Variants in PALS2 observed in about 807,000 individuals in gnomAD.
PALS2 encodes protein PALS2.
In PALS2, 27 loss-of-function variants were observed where a neutral mutation model predicts 61.6. The observed-to-expected ratio is 0.44, with a 90% CI of 0.32 to 0.60. The LOEUF is 0.60. PALS2 is among the 20% of genes least tolerant of loss of function. The probability of loss-of-function intolerance (pLI) is 0.05; values close to 1 mark genes in which losing one functional copy is unlikely to be tolerated. For missense variants in PALS2, 554 were observed against 639.4 expected, an observed-to-expected ratio of 0.87 and a Z score of 1.44; for synonymous variants, 236 against 218.6, an observed-to-expected ratio of 1.08 and a Z score of -0.70.
intron 2 of PALS2, among the ~76,000 whole-genome samples, chr7:24,635,449 T>C (rs1785190251): frequency 6.6e-6 from 1 of 152,212 alleles, no homozygotes; most frequent in Admixed American, 6.5e-5. Context: ...AATAGTCTTT[T>C]AGTGAACTCC....
At position 24,575,992 on chromosome 7, in the gene PALS2, G is replaced by C. The variant is rs184736512; in HGVS notation, c.-3+2399G>C. ...TTTTTTAAATCAGAACTCTACTTCA[G>C]GTAAGTATAGTTAACCATGTAAGTG... On this transcript the variant is annotated intron_variant, in intron 1 of 11. Transcript: ENST00000222644. 3.2e-3 allele frequency among the ~76,000 whole-genome samples: 479 copies of C among 151,980 alleles called. 1 individual carries two copies. Among genetic ancestry groups the C allele is most frequent in the African/African-American group, 0.01 (426 of 41,442 alleles).
intron 1 of PALS2, among the ~76,000 whole-genome samples, chr7:24,575,510 T>A (rs1421666869): frequency 6.6e-6 from 1 of 152,180 alleles, no homozygotes; most frequent in Admixed American, 6.5e-5. Flanking sequence ...TCTTTTTAGC[T>A]TGAGATAACC....
chr7:24,634,442 G>A (rs1009950771), intron 2 of PALS2, among the ~76,000 whole-genome samples: 2 of 152,152 alleles, frequency 1.3e-5, no homozygotes, highest in African/African-American at 4.8e-5. Context: ...GTGTTAGCCA[G>A]TATGGTCTCG....
At chr7:24,622,247 T>A (rs1298555850) in intron 1 of PALS2, among the ~76,000 whole-genome samples, 2 of 152,016 alleles carry the variant, frequency 1.3e-5, no homozygotes, top group Non-Finnish European at 2.9e-5. Context: ...ATTAAACCTG[T>A]AGGTTAATTT....
At chr7:24,635,574 T>C (rs918982455) in intron 2 of PALS2, among the ~76,000 whole-genome samples, 2 of 152,166 alleles carry the variant, frequency 1.3e-5, no homozygotes, top group Non-Finnish European at 2.9e-5. Flanking sequence ...TAACCTCCAG[T>C]ACAAATGTTA....
In PALS2 at chr7:24,679,160, A is replaced by G. The variant is rs761519799; in HGVS notation, c.1144A>G (p.Lys382Glu). 1 of 1,614,000 alleles carries G rather than the reference A, an allele frequency of 6.2e-7. No individual in the cohort carries two copies. The highest frequency in any genetic ancestry group is 8.5e-7 in the Non-Finnish European group (1 of 1,179,870). ...TTCACGGAAACCAAGGGAAGATGAAAAAGATGGCCAGGCATATAAGTTTGT... is the reference window on the plus strand; with the variant it reads ...TTCACGGAAACCAAGGGAAGATGAAGAAGATGGCCAGGCATATAAGTTTGT... ...FTSRKPREDE[K>E]DGQAYKFVSR... Residue 382 changes from lysine (K) to glutamate (E), a missense_variant, in exon 10 of 12, where the codon AAA (lysine) becomes GAA (glutamate). By Grantham distance (56) the Lys-to-Glu change is moderately conservative. Transcript: ENST00000222644.
intron 3 of PALS2, among the ~76,000 whole-genome samples, chr7:24,647,122 GT>G (rs1785876504): frequency 6.7e-6 from 1 of 148,376 alleles, no homozygotes; most frequent in Non-Finnish European, 1.5e-5. Context: ...TTTTGTTGTT[GT>G]TGTTGTTGTT....
At chr7:24,680,642 C>A in intron 11 of PALS2, 122 bp downstream of exon 11, 2 of 1,273,612 alleles carry the variant, frequency 1.6e-6, no homozygotes, top group Non-Finnish European at 2.1e-6. Flanking sequence ...GTCACCCAGG[C>A]TGGAGTGCAT....
chr7:24,644,925 G>C (rs774331891), intron 3 of PALS2, among the ~76,000 whole-genome samples: 3 of 151,912 alleles, frequency 2.0e-5, no homozygotes, highest in Admixed American at 1.3e-4. Flanking sequence ...TCATATCCTT[G>C]TTGGCCACAT....
At chr7:24,685,882 A>G (rs1584017363) in intron 11 of PALS2, among the ~76,000 whole-genome samples, 1 of 152,134 alleles carries the variant, frequency 6.6e-6, no homozygotes, top group African/African-American at 2.4e-5. Context: ...TGCTTCCATC[A>G]ACATCATTTA....
At chr7:24,674,741 T>A (rs1185620800) in intron 9 of PALS2, 1 of 152,204 alleles carries the variant, frequency 6.6e-6, no homozygotes, top group East Asian at 1.9e-4. Flanking sequence ...TTAAGGTGAT[T>A]TAACTTTCTT....
intron 2 of PALS2, among the ~76,000 whole-genome samples, chr7:24,637,535 T>C (rs1785298548): frequency 6.6e-6 from 1 of 152,130 alleles, no homozygotes; most frequent in Admixed American, 6.5e-5. Flanking sequence ...CTTAGCTTTT[T>C]CAAGAAATAA....
chr7:24,580,112 A>G (rs746974570), intron 1 of PALS2, among the ~76,000 whole-genome samples: 5 of 152,194 alleles, frequency 3.3e-5, no homozygotes, highest in Non-Finnish European at 7.4e-5. Context: ...TCAGAGGGGT[A>G]CATGTTGGGA....
chr7:24,670,648 T>G (rs1787249746), intron 9 of PALS2, among the ~76,000 whole-genome samples: 1 of 152,252 alleles, frequency 6.6e-6, no homozygotes. Context: ...ATTCAAAAGC[T>G]GTTACAACGT....
chr7:24,684,820 G>A (rs996560134), intron 11 of PALS2, among the ~76,000 whole-genome samples: 6 of 151,850 alleles, frequency 4.0e-5, no homozygotes, highest in Non-Finnish European at 7.4e-5. Flanking sequence ...TAACTTACAT[G>A]TATATAAATA....
chr7:24,581,026 C>G (rs758345549), intron 1 of PALS2, among the ~76,000 whole-genome samples: 3 of 152,148 alleles, frequency 2.0e-5, no homozygotes, highest in Non-Finnish European at 4.4e-5. Flanking sequence ...AATGTATTCT[C>G]TTACGATTCT....
chr7:24,678,965 G>C (rs1038041791), intron 9 of PALS2, among the ~76,000 whole-genome samples, 166 bp from the exon 10 acceptor site: 1 of 152,092 alleles, frequency 6.6e-6, no homozygotes, highest in Non-Finnish European at 1.5e-5. Flanking sequence ...GTATGGCTGT[G>C]GTCCAATAAA....
At chr7:24,615,837 A>G (rs1021330633) in intron 1 of PALS2, among the ~76,000 whole-genome samples, 2 of 152,048 alleles carry the variant, frequency 1.3e-5, no homozygotes, top group Non-Finnish European at 2.9e-5. Context: ...AAATCCAACA[A>G]CACATCAAAA....
chr7:24,582,431 T>G (rs1255121491), intron 1 of PALS2, among the ~76,000 whole-genome samples: 2 of 152,214 alleles, frequency 1.3e-5, no homozygotes, highest in African/African-American at 4.8e-5. Context: ...GAACATTTTG[T>G]TTTAGTTCTG....
Sources: gnomAD v4.1 joint callset for allele counts (sites outside exome capture counted in the v4.1 genomes callset) on GRCh38, gnomAD v4.1.1 for gene constraint, MANE v1.5 for transcripts, NCBI Gene and HGNC (gene_info 2026-07-23, HGNC 2026-07-21) for gene names.